Variants in LRRC28 observed in about 807,000 individuals in gnomAD.
LRRC28 encodes the protein leucine-rich repeat-containing protein 28.
LRRC28 carries 39 observed loss-of-function variants against 45.7 expected under a neutral mutation model. The observed-to-expected ratio is 0.85, with a 90% CI of 0.66 to 1.12. LRRC28 has a LOEUF of 1.12. Ranked by LOEUF, LRRC28 falls within the 50% of genes most tolerant of loss-of-function variation. The pLI is 0.00. For missense variants in LRRC28, 435 were observed against 438.5 expected, an observed-to-expected ratio of 0.99 and a Z score of 0.07; for synonymous variants, 206 against 178.8, an observed-to-expected ratio of 1.15 and a Z score of -1.22.
chr15:99,361,184 A>C, intron 7 of LRRC28, 152 bp from the exon 8 acceptor site: 140 of 858,090 alleles, frequency 1.6e-4, no homozygotes, highest in Non-Finnish European at 2.1e-4. Flanking sequence ...TTATGAAGGA[A>C]CCCGGGATAG....
chr15:99,345,656 T>C (rs1956656309), intron 6 of LRRC28, among the ~76,000 whole-genome samples: 1 of 152,248 alleles, frequency 6.6e-6, no homozygotes, highest in South Asian at 2.1e-4. Context: ...TTCCCATCTA[T>C]ATTTTATAAA....
intron 6 of LRRC28, among the ~76,000 whole-genome samples, chr15:99,350,360 G>A (rs1357407968): frequency 1.3e-5 from 2 of 152,088 alleles, no homozygotes; most frequent in Non-Finnish European, 2.9e-5. Context: ...AGTAAGACCA[G>A]CAGGAAGTAA....
chr15:99,336,815 C>G (rs1185309582), intron 6 of LRRC28, among the ~76,000 whole-genome samples: 2 of 152,194 alleles, frequency 1.3e-5, no homozygotes, highest in Non-Finnish European at 2.9e-5. Context: ...CAGCAGAACT[C>G]CTGGTTCCTT....
Position 99,287,830 on chromosome 15 carries a change from A to G in LRRC28, c.264A>G (p.Val88=). 1 of 1,612,146 alleles carries G rather than the reference A, an allele frequency of 6.2e-7. No individual in the cohort carries two copies. The highest frequency in any genetic ancestry group is 2.2e-5 in the East Asian group (1 of 44,756). ...VVVPEAIGSL[V]KLQCLDLSDN... is the part of the protein sequence containing the mutation. ...TCTTTGAAGCCATTGGGTCTCTTGT[A>G]AAACTCCAATGTCTGGATCTTAGTG... The change falls in exon 5 of 10, where the codon GTA becomes GTG. Residue 88 remains valine (V), a synonymous_variant. Coordinates refer to ENST00000301981, the MANE Select transcript of LRRC28 (RefSeq NM_144598.5).
At chr15:99,352,711 C>T (rs1168006459) in intron 7 of LRRC28, among the ~76,000 whole-genome samples, 1 of 152,004 alleles carries the variant, frequency 6.6e-6, no homozygotes, top group Non-Finnish European at 1.5e-5. Context: ...ACCTTTATTT[C>T]CCCCCACACA....
intron 5 of LRRC28, chr15:99,333,613 C>A (rs1047880172): frequency 2.8e-6 from 1 of 350,986 alleles, no homozygotes; most frequent in African/African-American, 2.1e-5. Flanking sequence ...TGGCAACAAA[C>A]TTGACTCATC....
chr15:99,367,678 C>T (rs1006339218), intron 9 of LRRC28, among the ~76,000 whole-genome samples: 13 of 152,068 alleles, frequency 8.5e-5, no homozygotes, highest in Non-Finnish European at 1.6e-4. Flanking sequence ...AGGTGAACAG[C>T]CAGATAGAAG....
intron 2 of LRRC28, among the ~76,000 whole-genome samples, chr15:99,266,861 A>G (rs1458189862): frequency 1.3e-5 from 2 of 152,214 alleles, no homozygotes; most frequent in African/African-American, 4.8e-5. Flanking sequence ...TGTAGGCACT[A>G]TTATGATCCT....
chr15:99,262,457 C>T (rs961464423), intron 2 of LRRC28, among the ~76,000 whole-genome samples: 3 of 152,300 alleles, frequency 2.0e-5, no homozygotes, highest in Middle Eastern at 3.4e-3. Context: ...TGGTGCGCGT[C>T]TGTAGTCCCA....
chr15:99,343,616 G>A (rs1361291904), intron 6 of LRRC28, among the ~76,000 whole-genome samples: 1 of 152,146 alleles, frequency 6.6e-6, no homozygotes, highest in African/African-American at 2.4e-5. Flanking sequence ...TCTGTACGAC[G>A]GACAGCTTCC....
At chr15:99,342,708 T>C (rs1956556694) in intron 6 of LRRC28, among the ~76,000 whole-genome samples, 1 of 152,224 alleles carries the variant, frequency 6.6e-6, no homozygotes, top group Admixed American at 6.5e-5. Flanking sequence ...GAAATAGAGA[T>C]TCTGCAGCAT....
chr15:99,345,311 A>G (rs189697000), intron 6 of LRRC28, among the ~76,000 whole-genome samples: 89 of 152,246 alleles, frequency 5.8e-4, no homozygotes, highest in Non-Finnish European at 1.1e-3. Context: ...GGGGCTCTGA[A>G]AGACAAATCT....
chr15:99,255,861 A>G, intron 1 of LRRC28, 37 bp from the exon 2 acceptor site: 12 of 1,375,716 alleles, frequency 8.7e-6, no homozygotes, highest in Non-Finnish European at 1.1e-5. Context: ...CTTGTAAAAA[A>G]TCTTACAATG....
chr15:99,376,895 G>A (rs1957654586), intron 9 of LRRC28, among the ~76,000 whole-genome samples: 1 of 152,100 alleles, frequency 6.6e-6, no homozygotes, highest in Non-Finnish European at 1.5e-5. Context: ...TATGGCTGCA[G>A]AGTATTCCAT....
chr15:99,348,994 T>G (rs1212409321), intron 6 of LRRC28, among the ~76,000 whole-genome samples: 1 of 152,080 alleles, frequency 6.6e-6, no homozygotes, highest in African/African-American at 2.4e-5. Flanking sequence ...TCTTTTTACC[T>G]CCTTAGTTAC....
chr15:99,338,660 C>T (rs1172904196), intron 6 of LRRC28, among the ~76,000 whole-genome samples: 6 of 152,090 alleles, frequency 3.9e-5, no homozygotes, highest in African/African-American at 1.4e-4. Context: ...AATTTCTTGC[C>T]AAAGAAGTGT....
chr15:99,375,164 T>A (rs1474580077), intron 9 of LRRC28, among the ~76,000 whole-genome samples: 5 of 152,222 alleles, frequency 3.3e-5, no homozygotes, highest in Admixed American at 3.3e-4. Context: ...CTCTATGTAG[T>A]TTGCTGAGAG....
At chr15:99,258,834 A>G (rs1348662551) in intron 2 of LRRC28, 10 of 701,794 alleles carry the variant, frequency 1.4e-5, no homozygotes, top group Non-Finnish European at 2.7e-5. Context: ...AAAAAGAGCG[A>G]TTACATTAAG....
chr15:99,348,497 C>A (rs1956766015), intron 6 of LRRC28, among the ~76,000 whole-genome samples: 1 of 152,080 alleles, frequency 6.6e-6, no homozygotes, highest in Non-Finnish European at 1.5e-5. Context: ...ATGTGGAAAT[C>A]CAGCGTTCCC....
Sources: gnomAD v4.1 joint callset for allele counts (sites outside exome capture counted in the v4.1 genomes callset) on GRCh38, gnomAD v4.1.1 for gene constraint, MANE v1.5 for transcripts, NCBI Gene and HGNC (gene_info 2026-07-23, HGNC 2026-07-21) for gene names.